The following DMD variants were observed in gnomAD, a reference collection of about 807,000 sequenced individuals.
The protein encoded by DMD is mutant dystrophin.
Under a neutral mutation model 330.1 loss-of-function variants are expected in DMD, and 63 were observed. The ratio of observed to expected loss-of-function variants is 0.19; its 90% CI spans 0.16 to 0.24. DMD has a LOEUF of 0.24. Ranked by LOEUF, DMD falls within the 10% of genes least tolerant of loss-of-function variation. The pLI is 1.00. For missense variants in DMD, 3,344 were observed against 2,684.1 expected, an observed-to-expected ratio of 1.25 and a Z score of -5.43; for synonymous variants, 1,223 against 959.8, an observed-to-expected ratio of 1.27 and a Z score of -5.07.
chrX:32,173,619 C>T (rs2096896232), intron 44 of DMD, among the ~76,000 whole-genome samples: 1 of 111,180 alleles, frequency 9.0e-6, no homozygotes, highest in Admixed American at 9.6e-5. Flanking sequence ...GATCTGCCCA[C>T]CTCGGCCTCC....
At chrX:32,845,978 C>T (rs937670479) in intron 3 of DMD, among the ~76,000 whole-genome samples, 1 of 110,868 alleles carries the variant, frequency 9.0e-6, no homozygotes, top group Admixed American at 9.5e-5. Context: ...CATGCTGTCT[C>T]ACAGGATCCA....
chrX:31,964,882 T>C (rs1387650875), intron 45 of DMD, among the ~76,000 whole-genome samples: 1 of 111,466 alleles, frequency 9.0e-6, no homozygotes, highest in African/African-American at 3.3e-5. Context: ...CCTTAATGCA[T>C]ATTAGTAGAA....
chrX:31,350,372 C>T (rs946509839), intron 60 of DMD, among the ~76,000 whole-genome samples: 1 of 111,914 alleles, frequency 8.9e-6, no homozygotes, highest in Non-Finnish European at 1.9e-5. Context: ...ATGGTTTATA[C>T]CTGAAGCACT....
intron 59 of DMD, among the ~76,000 whole-genome samples, chrX:31,473,525 T>C (rs1158389075): frequency 9.3e-6 from 1 of 107,907 alleles, no homozygotes; most frequent in Non-Finnish European, 1.9e-5. Context: ...ATCAAGACCA[T>C]CCTGGCCAAC....
chrX:31,182,596 G>A (rs1311549885), intron 68 of DMD, 142 bp downstream of exon 68: 3 of 573,590 alleles, frequency 5.2e-6, no homozygotes, highest in Non-Finnish European at 8.8e-6. Context: ...AGGAATGATC[G>A]ATGTTCCAGC....
At chrX:33,128,132 G>T in intron 1 of DMD, 2 of 1,206,717 alleles carry the variant, frequency 1.7e-6, no homozygotes, top group Non-Finnish European at 2.2e-6. Context: ...GCATTTATCT[G>T]CAGCTTTTAC....
chrX:32,823,059 T>A lies in DMD; in HGVS notation c.357+236A>T, dbSNP rs147298521. Among the ~76,000 whole-genome samples the A allele has an allele frequency of 1.5e-3, 169 of 111,922 alleles. 1 individual carries two copies. In the East Asian group the frequency reaches 0.039, roughly 26 times the overall value. On this transcript the variant is annotated intron_variant, in intron 5 of 78. Transcript: ENST00000357033. ...ATTGGGACTTTGTATTTTTACCTTATACTTACTCAATGAAATAAAATTTTG... is the reference window on the plus strand; with the variant it reads ...ATTGGGACTTTGTATTTTTACCTTAAACTTACTCAATGAAATAAAATTTTG...
At chrX:31,857,949 A>G (rs1299315197) in intron 48 of DMD, among the ~76,000 whole-genome samples, 2 of 110,175 alleles carry the variant, frequency 1.8e-5, no homozygotes, top group Admixed American at 9.8e-5. Context: ...ACTATTGCTC[A>G]AAGGAGGGTC....
At chrX:31,221,395 C>G (rs2046015552) in intron 64 of DMD, among the ~76,000 whole-genome samples, 1 of 112,240 alleles carries the variant, frequency 8.9e-6, no homozygotes, top group Non-Finnish European at 1.9e-5. Context: ...ATTTTCAGTT[C>G]CTGAATGTGT....
chrX:32,956,463 T>G (rs1227670113), intron 2 of DMD, among the ~76,000 whole-genome samples: 2 of 111,662 alleles, frequency 1.8e-5, no homozygotes, highest in Non-Finnish European at 3.8e-5. Context: ...GATTTCTCCC[T>G]GTTGCACTGC....
rs1556488577 is a variant in DMD, at chrX:31,314,750, G to GAGAGAGAGAGAGAGAA, written c.9224+8847_9224+8848insTTCTCTCTCTCTCTCT. 3.7e-4 allele frequency among the ~76,000 whole-genome samples: 36 copies of GAGAGAGAGAGAGAGAA among 96,927 alleles called. 2 individuals carry two copies. The highest frequency in any genetic ancestry group is 1.3e-3 in the African/African-American group (33 of 25,541). The allele number at this position is 96,927 out of a possible 115,157, so 84.2% of individuals were successfully genotyped here. ...AAAAAAGAATACATACACAGAGAGA[G>GAGAGAGAGAGAGAGAA]AGAGAGAGAGAGAGAGAGAGAGAGA... On this transcript the variant is annotated intron_variant, in intron 62 of 78. Transcript: ENST00000357033.
rs1032708991 is a variant in DMD at position 33,056,701 on chromosome X, G to T, written c.32-36501C>A. On this transcript the variant is annotated intron_variant, in intron 1 of 78. Coordinates refer to ENST00000357033, the MANE Select transcript of DMD (RefSeq NM_004006.3). Reference sequence around the variant, plus strand: ...TATAAATTCATTCATTCATTCGTTCGTTCATTCATTCAATAAACTCTGCTA... The same window carrying T: ...TATAAATTCATTCATTCATTCGTTCTTTCATTCATTCAATAAACTCTGCTA... Among the ~76,000 whole-genome samples the T allele has an allele frequency of 3.6e-5, 4 of 111,119 alleles. No individual in the cohort carries two copies. The Admixed American group carries it at 3.9e-4, about 11-fold the overall frequency.
At position 31,922,532 on chromosome X, in the gene DMD, G is replaced by GCA. The variant is rs2094707383; in HGVS notation, c.6912+7063_6912+7064insTG. On this transcript the variant is annotated intron_variant, in intron 47 of 78. Coordinates refer to ENST00000357033, the MANE Select transcript of DMD (RefSeq NM_004006.3). ...TGTGTGTGTGTGTGTGTGTGCGCGC[G>GCA]CGTGCGCTAGGGGGGTGCAGAGGAG... Among the ~76,000 whole-genome samples the GCA allele has an allele frequency of 6.3e-5, 7 of 110,360 alleles. No homozygotes were observed. In the South Asian group the frequency reaches 1.9e-3, roughly 31 times the overall value.
Position 31,698,168 on chromosome X carries a change from T to C in DMD, c.7661-18582A>G, listed in dbSNP as rs1009518379. 2.7e-5 allele frequency among the ~76,000 whole-genome samples: 3 copies of C among 111,692 alleles called. No homozygotes were observed. In the Admixed American group the frequency reaches 2.9e-4, roughly 11 times the overall value. On this transcript the variant is annotated intron_variant, in intron 52 of 78. Transcript: ENST00000357033. The stretch of plus-strand genomic sequence containing the variant: ...GTACGCCAGAGTTCCAGGTAGAAAA[T>C]GCCAAGGTGAAAGGCTTAAATTGCA...
chrX:31,476,298 A>C (rs1456567449), intron 59 of DMD, among the ~76,000 whole-genome samples: 2 of 105,894 alleles, frequency 1.9e-5, no homozygotes, highest in Non-Finnish European at 3.9e-5. Context: ...TTGCAAAGGC[A>C]GATATATCTA....
At chrX:31,943,760 G>T (rs1326070759) in intron 45 of DMD, among the ~76,000 whole-genome samples, 1 of 109,461 alleles carries the variant, frequency 9.1e-6, no homozygotes, top group Non-Finnish European at 1.9e-5. Context: ...TGAATTCCTC[G>T]TGGTAGTAAT....
chrX:32,567,396 T>C lies in DMD; in HGVS notation c.1813-1515A>G, dbSNP rs1284535726. On this transcript the variant is annotated intron_variant, in intron 15 of 78. Coordinates refer to ENST00000357033, the MANE Select transcript of DMD (RefSeq NM_004006.3). ...GTGTGGGGGTTTAGCAATAGGTAGG[T>C]GGTTTTTCTTTTTTGTTTTGAGTTG... Among the ~76,000 whole-genome samples the C allele has an allele frequency of 3.6e-5, 4 of 111,224 alleles. No homozygotes were observed. In the South Asian group the frequency reaches 1.5e-3, roughly 43 times the overall value.
intron 62 of DMD, among the ~76,000 whole-genome samples, chrX:31,317,019 G>A (rs1036755868): frequency 8.9e-6 from 1 of 112,162 alleles, no homozygotes; most frequent in Non-Finnish European, 1.9e-5. Flanking sequence ...GGTGCAATAA[G>A]AATCCTCAAG....
chrX:32,448,829 T>C lies in DMD; in HGVS notation c.3604-191A>G, dbSNP rs1215767169. 3.9e-4 allele frequency among the ~76,000 whole-genome samples: 43 copies of C among 110,967 alleles called. No homozygotes were observed. In the Admixed American group the frequency reaches 4.0e-3, roughly 10 times the overall value. The stretch of plus-strand genomic sequence containing the variant: ...TGAAATTGGAAAGTTAAAGAAATAA[T>C]TTATTATAAGAATACAACAGATCTG... On this transcript the variant is annotated intron_variant, in intron 26 of 78. Coordinates refer to ENST00000357033, the MANE Select transcript of DMD (RefSeq NM_004006.3).
Sources: gnomAD v4.1 joint callset for allele counts (sites outside exome capture counted in the v4.1 genomes callset) on GRCh38, gnomAD v4.1.1 for gene constraint, MANE v1.5 for transcripts, NCBI Gene and HGNC (gene_info 2026-07-23, HGNC 2026-07-21) for gene names.